Variants in DMD observed in about 807,000 individuals in gnomAD.
The protein encoded by DMD is dystrophin, also known as mutant dystrophin.
DMD carries 63 observed loss-of-function variants against 330.1 expected under a neutral mutation model. That is an observed-to-expected ratio of 0.19 (90% CI 0.16 to 0.24). The LOEUF is 0.24. DMD is among the 10% of genes least tolerant of loss of function. DMD has a pLI of 1.00. For synonymous variants in DMD, 1,223 were observed against 959.8 expected, an observed-to-expected ratio of 1.27 and a Z score of -5.07; for missense variants, 3,344 against 2,684.1, an observed-to-expected ratio of 1.25 and a Z score of -5.43.
At chrX:32,725,728 A>C (rs2066799648) in intron 7 of DMD, among the ~76,000 whole-genome samples, 1 of 110,736 alleles carries the variant, frequency 9.0e-6, no homozygotes, top group Non-Finnish European at 1.9e-5. Context: ...GGGTTGGTTA[A>C]TGGGTACAAA....
At chrX:32,922,113 G>T (rs1300044863) in intron 2 of DMD, among the ~76,000 whole-genome samples, 1 of 110,587 alleles carries the variant, frequency 9.0e-6, no homozygotes, top group Non-Finnish European at 1.9e-5. Context: ...GAGCTAAAAG[G>T]CTCCCCCAAA....
intron 55 of DMD, among the ~76,000 whole-genome samples, chrX:31,603,298 G>A (rs2077457880): frequency 1.8e-5 from 2 of 111,290 alleles, no homozygotes; most frequent in African/African-American, 6.5e-5. Context: ...TGTTTATTGT[G>A]CAGCAAAATG....
chrX:33,250,434 C>T (rs1416589124), intron 1 of DMD, among the ~76,000 whole-genome samples: 1 of 110,445 alleles, frequency 9.1e-6, no homozygotes, highest in Non-Finnish European at 1.9e-5. Flanking sequence ...GTAATGTTTG[C>T]TCACCTTCTG....
At chrX:32,767,386 C>T (rs1162748152) in intron 7 of DMD, among the ~76,000 whole-genome samples, 4 of 111,258 alleles carry the variant, frequency 3.6e-5, no homozygotes, top group East Asian at 5.6e-4. Context: ...AATGATTTTC[C>T]GTGTTATAGA....
chrX:32,721,941 G>A (rs771273039), intron 7 of DMD, among the ~76,000 whole-genome samples: 30 of 108,315 alleles, frequency 2.8e-4, no homozygotes, highest in Middle Eastern at 4.8e-3. Context: ...TCTTCTTGGT[G>A]GTCCTGTCCA....
At chrX:33,087,786 G>C (rs761414778) in intron 1 of DMD, among the ~76,000 whole-genome samples, 3 of 111,801 alleles carry the variant, frequency 2.7e-5, no homozygotes, top group South Asian at 3.7e-4. Context: ...ACTCAATAAA[G>C]TTGGCTCTTA....
intron 44 of DMD, among the ~76,000 whole-genome samples, chrX:32,128,851 T>TG (rs1337983744): frequency 8.9e-6 from 1 of 112,340 alleles, no homozygotes; most frequent in Non-Finnish European, 1.9e-5. Context: ...TATGACCTGC[T>TG]GTTTGGAAAG....
At chrX:31,353,811 T>C (rs1158627291) in intron 60 of DMD, among the ~76,000 whole-genome samples, 2 of 111,779 alleles carry the variant, frequency 1.8e-5, no homozygotes, top group Non-Finnish European at 3.8e-5. Context: ...AAGAGTGAGC[T>C]TTGGAAGGTG....
chrX:33,176,684 C>T (rs2049680490), intron 1 of DMD, among the ~76,000 whole-genome samples: 1 of 110,534 alleles, frequency 9.0e-6, no homozygotes, highest in Non-Finnish European at 1.9e-5. Flanking sequence ...GCCTGTAATC[C>T]CAGCACTTTG....
At chrX:32,634,203 T>G (rs912547511) in intron 11 of DMD, among the ~76,000 whole-genome samples, 1 of 111,969 alleles carries the variant, frequency 8.9e-6, no homozygotes, top group Non-Finnish European at 1.9e-5. Flanking sequence ...CCAAGGCCAC[T>G]TTGGCCAGCC....
At chrX:32,258,797 G>C (rs1288255146) in intron 43 of DMD, among the ~76,000 whole-genome samples, 1 of 110,721 alleles carries the variant, frequency 9.0e-6, no homozygotes, top group Non-Finnish European at 1.9e-5. Flanking sequence ...GTGTGTCCCA[G>C]AACTTAAAGT....
chrX:31,962,131 C>T (rs1288959026), intron 45 of DMD, among the ~76,000 whole-genome samples: 1 of 110,729 alleles, frequency 9.0e-6, no homozygotes, highest in Non-Finnish European at 1.9e-5. Flanking sequence ...CCTTCGTTGC[C>T]CTCCTGTAAA....
At position 31,398,424 on chromosome X, in the gene DMD, A is replaced by C. The variant is rs147321321; in HGVS notation, c.9084+46057T>G. Among the ~76,000 whole-genome samples, 175 of 112,134 alleles carry C rather than the reference A, an allele frequency of 1.6e-3. 1 individual carries two copies. The Middle Eastern group carries it at 0.023, about 15-fold the overall frequency. On this transcript the variant is annotated intron_variant, in intron 60 of 78. Coordinates refer to ENST00000357033, the MANE Select transcript of DMD (RefSeq NM_004006.3). ...AGAGTAAATAAGGTTGCAAGGGGGT[A>C]GGGTGGGGAGCAGGGAGGAAAAAAT...
intron 13 of DMD, among the ~76,000 whole-genome samples, chrX:32,577,307 C>A (rs1472058901): frequency 8.9e-6 from 1 of 111,783 alleles, no homozygotes; most frequent in East Asian, 2.8e-4. Flanking sequence ...AACTTCTGGC[C>A]CCCAGAATGG....
At chrX:32,894,751 T>G (rs1044374222) in intron 2 of DMD, among the ~76,000 whole-genome samples, 1 of 112,164 alleles carries the variant, frequency 8.9e-6, no homozygotes. Flanking sequence ...CGCACATTAT[T>G]GCAATCAGGT....
chrX:32,490,235 A>T (rs2042866487), intron 20 of DMD, among the ~76,000 whole-genome samples: 1 of 111,861 alleles, frequency 8.9e-6, no homozygotes, highest in Non-Finnish European at 1.9e-5. Flanking sequence ...TCGATCTATC[A>T]CTAAACGTTC....
At position 31,121,242 on chromosome X, in the gene DMD, T is replaced by TATATGAA. The variant is rs2032452721; in HGVS notation, c.*670_*676dup. ...ATTTATATACTTATAGACATATAGA[T>TATATGAA]ATATGAAATGAAAACTCAAGCCTGC... On this transcript the variant is annotated 3_prime_UTR_variant, in exon 79 of 79. Coordinates refer to ENST00000357033, the MANE Select transcript of DMD (RefSeq NM_004006.3). The TATATGAA allele has an allele frequency of 8.8e-6, 1 of 113,124 alleles. No homozygotes were observed. The highest frequency in any genetic ancestry group is 3.2e-5 in the African/African-American group (1 of 30,810). The allele number at this position is 113,124 out of a possible 1,213,427, so 9.3% of individuals were successfully genotyped here. A position where few individuals can be genotyped will look rare whatever the true frequency, so the allele number is the denominator to read the frequency against.
intron 2 of DMD, among the ~76,000 whole-genome samples, chrX:32,872,360 TCA>T (rs2083068147): frequency 1.8e-5 from 2 of 111,891 alleles, no homozygotes; most frequent in Admixed American, 9.5e-5. Context: ...ACCCCATGGA[TCA>T]CACACAGTGA....
chrX:33,005,632 A>G (rs2093379755), intron 2 of DMD, among the ~76,000 whole-genome samples: 1 of 110,211 alleles, frequency 9.1e-6, no homozygotes, highest in Admixed American at 9.8e-5. Context: ...AAAAAAATGA[A>G]CAAAAACACC....
Sources: gnomAD v4.1 joint callset for allele counts (sites outside exome capture counted in the v4.1 genomes callset) on GRCh38, gnomAD v4.1.1 for gene constraint, MANE v1.5 for transcripts, NCBI Gene and HGNC (gene_info 2026-07-23, HGNC 2026-07-21) for gene names.